The following SCNN1B variants were observed in gnomAD, a reference collection of about 807,000 sequenced individuals.
The protein encoded by SCNN1B is sodium channel epithelial 1 subunit beta.
Under a neutral mutation model 65.3 loss-of-function variants are expected in SCNN1B, and 46 were observed. The ratio of observed to expected loss-of-function variants is 0.70; its 90% CI spans 0.56 to 0.90. The LOEUF is 0.90. Among genes scored for constraint, SCNN1B ranks in the 40% least tolerant of loss-of-function variants. The pLI is 0.00. For missense variants in SCNN1B, 751 were observed against 830.5 expected, an observed-to-expected ratio of 0.90 and a Z score of 1.18; for synonymous variants, 349 against 330.6, an observed-to-expected ratio of 1.06 and a Z score of -0.60.
At chr16:23,316,420 C>T (rs1961466139) in intron 1 of SCNN1B, among the ~76,000 whole-genome samples, 1 of 150,908 alleles carries the variant, frequency 6.6e-6, no homozygotes, top group African/African-American at 2.4e-5. Flanking sequence ...CCATCACCAT[C>T]ACCATCTCCT....
intron 1 of SCNN1B, among the ~76,000 whole-genome samples, chr16:23,313,315 C>T (rs1396089246): frequency 6.6e-6 from 1 of 152,164 alleles, no homozygotes; most frequent in Non-Finnish European, 1.5e-5. Context: ...CCAGTAGGGC[C>T]CCACAAATGG....
chr16:23,286,287 T>C (rs1437065971), intron 2 of SCNN1B, among the ~76,000 whole-genome samples: 1 of 152,204 alleles, frequency 6.6e-6, no homozygotes, highest in Non-Finnish European at 1.5e-5. Context: ...TGATCATCAA[T>C]GGATGCTGAA....
upstream of SCNN1B, among the ~76,000 whole-genome samples, chr16:23,298,927 GCA>G (rs1961034576): frequency 6.6e-6 from 1 of 152,208 alleles, no homozygotes; most frequent in African/African-American, 2.4e-5. Context: ...GGTCACAACA[GCA>G]CAGTTCCACA....
At position 23,310,452 on chromosome 16, in the gene SCNN1B, G is replaced by A. The variant is rs566314606; in HGVS notation, c.-9+8015G>A. ...TCCAAGCACTTTGGAAGGCCAAGGT[G>A]GGAGGATTGCTTGCTTGAGGCCAGG... On this transcript the variant is annotated intron_variant, in intron 1 of 12. Coordinates refer to ENST00000343070, the MANE Select transcript of SCNN1B (RefSeq NM_000336.3). 2.6e-4 allele frequency among the ~76,000 whole-genome samples: 39 copies of A among 148,674 alleles called. No individual in the cohort carries two copies. In the South Asian group the frequency reaches 3.9e-3, roughly 15 times the overall value.
rs749772908 is a variant in SCNN1B at position 23,377,207 on chromosome 16, A to G, written c.1313A>G (p.Glu438Gly). Residue 438 changes from glutamate to glycine, a missense_variant, in exon 9 of 13, where the codon GAG becomes GGG. Glu to Gly is a moderately conservative substitution (Grantham distance 98, BLOSUM62 -2). Transcript: ENST00000343070. ...SDLQMSVAQR[E>G]TCIGMCKESC... The stretch of plus-strand genomic sequence containing the variant: ...CTACAGATGAGCGTGGCGCAGAGAG[A>G]GACCTGCATTGGCATGTGCAAGGAG... 2.5e-5 allele frequency: 40 copies of G among 1,614,074 alleles called. No homozygotes were observed. Among genetic ancestry groups the G allele is most frequent in the Non-Finnish European group, 3.4e-5 (40 of 1,180,032 alleles).
chr16:23,343,637 A>AAG (rs1333064930), intron 1 of SCNN1B, among the ~76,000 whole-genome samples: 3 of 136,904 alleles, frequency 2.2e-5, no homozygotes, highest in African/African-American at 8.6e-5. Context: ...GAAAGAAAGA[A>AAG]AGAAAGAAAG....
chr16:23,376,395 G>A (rs1962897208), intron 8 of SCNN1B, among the ~76,000 whole-genome samples: 1 of 151,720 alleles, frequency 6.6e-6, no homozygotes, highest in Non-Finnish European at 1.5e-5. Flanking sequence ...TATGTATAAG[G>A]CCACGTGTCC....
At chr16:23,331,885 C>T (rs1442569222) in intron 1 of SCNN1B, among the ~76,000 whole-genome samples, 1 of 152,134 alleles carries the variant, frequency 6.6e-6, no homozygotes, top group Non-Finnish European at 1.5e-5. Context: ...CTTACACCAC[C>T]ATGAAGTGTG....
chr16:23,367,107 T>C (rs1224572610), intron 4 of SCNN1B, among the ~76,000 whole-genome samples: 1 of 152,168 alleles, frequency 6.6e-6, no homozygotes, highest in Non-Finnish European at 1.5e-5. Flanking sequence ...TGCTTGTCAT[T>C]TGATTTCGGG....
intron 2 of SCNN1B, among the ~76,000 whole-genome samples, chr16:23,293,699 T>G (rs1376936811): frequency 2.0e-5 from 3 of 150,586 alleles, no homozygotes; most frequent in Non-Finnish European, 4.4e-5. Context: ...GGCTGAGACA[T>G]GAGGATCACT....
At chr16:23,345,039 T>C (rs1219725290) in intron 1 of SCNN1B, among the ~76,000 whole-genome samples, 1 of 148,700 alleles carries the variant, frequency 6.7e-6, no homozygotes, top group East Asian at 2.0e-4. Context: ...GAGAACAGAG[T>C]TGGAGAAGAA....
intron 1 of SCNN1B, among the ~76,000 whole-genome samples, chr16:23,281,326 C>T (rs1428201040): frequency 1.3e-5 from 2 of 151,982 alleles, no homozygotes; most frequent in East Asian, 1.9e-4. Context: ...CCAGCTATTC[C>T]GGAGGCTGAG....
intron 1 of SCNN1B, among the ~76,000 whole-genome samples, chr16:23,342,064 C>T (rs1207459469): frequency 6.6e-6 from 1 of 152,016 alleles, no homozygotes; most frequent in Non-Finnish European, 1.5e-5. Flanking sequence ...ATCATAACAG[C>T]CAAAAAGTAA....
At position 23,380,605 on chromosome 16, in the gene SCNN1B, C is replaced by T. The variant is rs1344447754; in HGVS notation, c.1727C>T (p.Pro576Leu). The change falls in exon 13 of 13, where the codon CCC (proline) becomes CTC (leucine). Residue 576 changes from proline to leucine, a missense_variant. Coordinates refer to ENST00000343070, the MANE Select transcript of SCNN1B (RefSeq NM_000336.3). This position sits in a 1 kb window ranked among gnomAD's most constrained non-coding sequence, Gnocchi z 5.4. ...RAQASYAGPP[P>L]TVAELVEAHT... ...CAAGCCAGCTACGCTGGCCCACCGC[C>T]CACCGTGGCCGAGCTGGTGGAGGCC... 4 of 1,613,868 alleles carry T rather than the reference C, an allele frequency of 2.5e-6. No individual in the cohort carries two copies. The Admixed American group carries it at 5.0e-5, about 20-fold the overall frequency.
chr16:23,308,897 C>CA (rs1961278325), intron 1 of SCNN1B, among the ~76,000 whole-genome samples: 1 of 152,152 alleles, frequency 6.6e-6, no homozygotes, highest in African/African-American at 2.4e-5. Context: ...ATCACCATGC[C>CA]TGGCCACGAT....
rs1018583721 is a variant in SCNN1B, at chr16:23,323,444, T to C, written c.-9+21007T>C. On this transcript the variant is annotated intron_variant, in intron 1 of 12. Transcript: ENST00000343070. Reference sequence around the variant, plus strand: ...GTATATGCAAATAAGAAGCCTCTCATAGGCACTGATCTCTCTCCATGCCAG... The same window carrying C: ...GTATATGCAAATAAGAAGCCTCTCACAGGCACTGATCTCTCTCCATGCCAG... The C allele has an allele frequency of 5.0e-5, 34 of 675,992 alleles. No individual in the cohort carries two copies. The Admixed American group carries it at 6.1e-4, about 12-fold the overall frequency. The allele number at this position is 675,992 out of a possible 1,614,324, so 41.9% of individuals were successfully genotyped here.
At chr16:23,313,463 G>A (rs923353139) in intron 1 of SCNN1B, among the ~76,000 whole-genome samples, 7 of 152,182 alleles carry the variant, frequency 4.6e-5, no homozygotes, top group Admixed American at 1.3e-4. Context: ...TGGGAACCCC[G>A]TTGTTTTGTT....
chr16:23,347,313 A>G (rs1962210689), intron 1 of SCNN1B, among the ~76,000 whole-genome samples: 2 of 151,944 alleles, frequency 1.3e-5, no homozygotes, highest in Admixed American at 6.6e-5. Flanking sequence ...GGCCTGTGCT[A>G]GGCTCAGTCC....
intron 1 of SCNN1B, among the ~76,000 whole-genome samples, chr16:23,323,312 G>A (rs1961626642): frequency 1.3e-5 from 2 of 152,124 alleles, no homozygotes; most frequent in South Asian, 4.1e-4. Flanking sequence ...GAGGATTTGT[G>A]GGTAGAGGTA....
Sources: gnomAD v4.1 joint callset for allele counts (sites outside exome capture counted in the v4.1 genomes callset) on GRCh38, gnomAD v4.1.1 for gene constraint, Gnocchi (gnomAD v3.1) non-coding constraint, MANE v1.5 for transcripts, NCBI Gene and HGNC (gene_info 2026-07-23, HGNC 2026-07-21) for gene names.